AREL1: variants seen among roughly 807,000 people sequenced by gnomAD.
AREL1 encodes the protein apoptosis-resistant E3 ubiquitin protein ligase 1.
Under a neutral mutation model 99.0 loss-of-function variants are expected in AREL1, and 62 were observed. That is an observed-to-expected ratio of 0.63 (90% CI 0.51 to 0.77). AREL1 has a LOEUF of 0.77. AREL1 is among the 30% of genes least tolerant of loss of function. AREL1 has a pLI of 0.00. For missense variants in AREL1, 879 were observed against 1,027.6 expected (o/e 0.86, Z 1.98); for synonymous variants, 380 against 376.5 (o/e 1.01, Z -0.11).
intron 8 of AREL1, 140 bp from the exon 9 acceptor site, chr14:74,674,251 G>A: frequency 1.5e-6 from 1 of 658,904 alleles, no homozygotes; most frequent in South Asian, 1.9e-5. Flanking sequence ...AATTTAGTGA[G>A]TACTAAAGTC....
intron 1 of AREL1, among the ~76,000 whole-genome samples, chr14:74,693,106 CAA>C (rs543510076): frequency 1.6e-3 from 242 of 152,124 alleles, no homozygotes; most frequent in African/African-American, 5.6e-3. Context: ...GGAGCAACCA[CAA>C]AGACAAGTGA....
At position 74,676,122 on chromosome 14, in the gene AREL1, T is replaced by C. The variant is rs2089467000; in HGVS notation, c.832+19A>G. ...ACGGCTGAAGAACAGCACTAAATCATACTTTTCTTTTAACTTACCACTTAG... is the reference window on the plus strand; with the variant it reads ...ACGGCTGAAGAACAGCACTAAATCACACTTTTCTTTTAACTTACCACTTAG... On this transcript the variant is annotated intron_variant, in intron 7 of 19. Transcript: ENST00000356357. 1.2e-6 allele frequency: 2 copies of C among 1,608,158 alleles called. No homozygotes were observed. Among genetic ancestry groups the C allele is most frequent in the South Asian group, 2.2e-5 (2 of 90,952 alleles).
intron 8 of AREL1, 59 bp downstream of exon 8, chr14:74,675,640 A>C (rs538142897): frequency 1.0e-4 from 162 of 1,569,898 alleles, no homozygotes; most frequent in Non-Finnish European, 1.3e-4. Flanking sequence ...CTGCTACCAA[A>C]TACCAATTAC....
At chr14:74,667,233 C>T in intron 17 of AREL1, 86 bp downstream of exon 17, 1 of 1,516,828 alleles carries the variant, frequency 6.6e-7, no homozygotes, top group East Asian at 2.3e-5. Flanking sequence ...CCAGCTGCAT[C>T]TCATAAGAGA....
chr14:74,675,791 C>T lies in AREL1; in HGVS notation c.988G>A (p.Val330Ile). The T allele has an allele frequency of 5.0e-6, 8 of 1,614,200 alleles. No homozygotes were observed. The highest frequency in any genetic ancestry group is 3.3e-5 in the South Asian group (3 of 91,088). Residue 330 changes from valine (V) to isoleucine (I), a missense_variant, in exon 8 of 20, where the codon GTT becomes ATT. Val to Ile is a conservative substitution (Grantham distance 29, BLOSUM62 3). Transcript: ENST00000356357. ...GGCGAGTCTTCATCTTCCTCGTCAA[C>T]AGCAGTGGATGGCCGGCGCTGGGAA... ...TSSQRRPSTAVDEEDEDSPSE... is the reference protein window; with the variant it reads ...TSSQRRPSTAIDEEDEDSPSE...
rs1372573935 is a variant in AREL1 at position 74,669,743 on chromosome 14, T to G, written c.1820A>C (p.Lys607Thr). The stretch of plus-strand genomic sequence containing the variant: ...GTTGAGGATAAAACAAACTTTAGAT[T>G]TGTAGAATTCTGGGTCATCTGTTTC... ...YFETDDPEFY[K>T]SKVCFILNND... Residue 607 changes from lysine to threonine, a missense_variant, in exon 15 of 20, where the codon AAA (lysine) becomes ACA (threonine). Lys to Thr is a moderately conservative substitution (Grantham distance 78, BLOSUM62 -1). Coordinates refer to ENST00000356357, the MANE Select transcript of AREL1 (RefSeq NM_001039479.2). The G allele has an allele frequency of 1.2e-6, 2 of 1,614,184 alleles. No individual in the cohort carries two copies.
chr14:74,710,187 GC>G (rs2090254815), intron 1 of AREL1, among the ~76,000 whole-genome samples: 1 of 152,110 alleles, frequency 6.6e-6, no homozygotes, highest in Non-Finnish European at 1.5e-5. Context: ...TTCATTTCAC[GC>G]TATAAGAACC....
rs372132290 is a variant in AREL1, at chr14:74,687,104, T to C, written c.-45-1444A>G. 2.0e-5 allele frequency among the ~76,000 whole-genome samples: 3 copies of C among 152,220 alleles called. No homozygotes were observed. In the East Asian group the frequency reaches 5.8e-4, roughly 29 times the overall value. On this transcript the variant is annotated intron_variant, in intron 2 of 19. Coordinates refer to ENST00000356357, the MANE Select transcript of AREL1 (RefSeq NM_001039479.2). Reference sequence around the variant, plus strand: ...AAACTGGCAGTTTAACTGCCTTAGGTACTTCCTCAGCGGGATGCCATTCGA... The same window carrying C: ...AAACTGGCAGTTTAACTGCCTTAGGCACTTCCTCAGCGGGATGCCATTCGA...
chr14:74,693,175 T>C (rs1047809690), intron 1 of AREL1, among the ~76,000 whole-genome samples: 2 of 152,128 alleles, frequency 1.3e-5, no homozygotes, highest in Non-Finnish European at 2.9e-5. Flanking sequence ...TGGTAAGGAA[T>C]TGAGACAATA....
chr14:74,678,695 C>CAAAAAA (rs71119311), intron 5 of AREL1, among the ~76,000 whole-genome samples: 3 of 95,424 alleles, frequency 3.1e-5, no homozygotes, highest in Non-Finnish European at 4.3e-5. Context: ...CATGTATAAG[C>CAAAAAA]AAAAAAAAAA....
rs145637746 is a variant in AREL1 at position 74,701,513 on chromosome 14, T to C, written c.-333-9185A>G. Among the ~76,000 whole-genome samples, 30 of 152,284 alleles carry C rather than the reference T, an allele frequency of 2.0e-4. No homozygotes were observed. The East Asian group carries it at 5.2e-3, about 26-fold the overall frequency. On this transcript the variant is annotated intron_variant, in intron 1 of 19. Coordinates refer to ENST00000356357, the MANE Select transcript of AREL1 (RefSeq NM_001039479.2). Reference sequence around the variant, plus strand: ...CTTATTCACTACCACAAGAACAGTATGTGGGAAACTGCCTCCGTGATTCAA... The same window carrying C: ...CTTATTCACTACCACAAGAACAGTACGTGGGAAACTGCCTCCGTGATTCAA...
intron 1 of AREL1, among the ~76,000 whole-genome samples, chr14:74,700,278 T>C (rs932874256): frequency 6.6e-6 from 1 of 152,348 alleles, no homozygotes; most frequent in South Asian, 2.1e-4. Flanking sequence ...CCATATTTTA[T>C]AGATTAGGAA....
intron 12 of AREL1, 86 bp from the exon 13 acceptor site, chr14:74,670,957 C>T: frequency 9.5e-7 from 1 of 1,053,860 alleles, no homozygotes. Context: ...TTATACTCTC[C>T]ACATTCCCTC....
Position 74,706,314 on chromosome 14 carries a change from A to C in AREL1, c.-334+6619T>G, listed in dbSNP as rs2090178400. ...TAACTGCGCCTGAAGTGGCAGGCAC[A>C]CAGCCAGATCTGCAGCCCAGTCGGG... On this transcript the variant is annotated intron_variant, in intron 1 of 19. Coordinates refer to ENST00000356357, the MANE Select transcript of AREL1 (RefSeq NM_001039479.2). 1.3e-5 allele frequency among the ~76,000 whole-genome samples: 2 copies of C among 152,230 alleles called. 1 individual carries two copies. The highest frequency in any genetic ancestry group is 4.1e-4 in the South Asian group (2 of 4,836).
intron 17 of AREL1, among the ~76,000 whole-genome samples, chr14:74,666,221 C>T (rs943091457): frequency 2.6e-5 from 4 of 152,176 alleles, no homozygotes; most frequent in African/African-American, 9.7e-5. Context: ...TAAAAGAAAA[C>T]CTTCCTCCCT....
chr14:74,671,286 T>TC, intron 12 of AREL1, 122 bp downstream of exon 12: 1 of 421,620 alleles, frequency 2.4e-6, no homozygotes, highest in Non-Finnish European at 4.1e-6. Flanking sequence ...AACCTAGGTT[T>TC]TTTTTTTTAG....
chr14:74,704,655 A>G (rs1023168379), intron 1 of AREL1, among the ~76,000 whole-genome samples: 1 of 152,188 alleles, frequency 6.6e-6, no homozygotes, highest in African/African-American at 2.4e-5. Context: ...TCACATAAAT[A>G]TAAGTCCTTT....
At chr14:74,673,347 A>G (rs1308019756) in intron 9 of AREL1, 129 bp from the exon 10 acceptor site, 1 of 863,362 alleles carries the variant, frequency 1.2e-6, no homozygotes, top group East Asian at 2.6e-5. Flanking sequence ...AGGACCTACC[A>G]GAAATACATT....
intron 1 of AREL1, among the ~76,000 whole-genome samples, chr14:74,693,735 A>G (rs2089928181): frequency 6.6e-6 from 1 of 152,256 alleles, no homozygotes; most frequent in South Asian, 2.1e-4. Context: ...CCTGCTTTTA[A>G]TGACTACTCT....
Sources: allele counts gnomAD v4.1 joint callset (sites outside exome capture counted in the v4.1 genomes callset), GRCh38; gene constraint gnomAD v4.1.1; transcripts MANE v1.5; gene names NCBI Gene and HGNC (gene_info 2026-07-23, HGNC 2026-07-21).